The following VNN1 variants were observed in gnomAD, a reference collection of about 807,000 sequenced individuals.
VNN1 encodes vanin 1.
VNN1 carries 29 observed loss-of-function variants against 41.9 expected under a neutral mutation model. The ratio of observed to expected loss-of-function variants is 0.69; its 90% confidence interval spans 0.52 to 0.94. VNN1 has a LOEUF of 0.94. VNN1 is among the 40% of genes least tolerant of loss of function. The pLI is 0.00. For synonymous variants in VNN1, 233 were observed against 224.4 expected (o/e 1.04, Z -0.34); for missense variants, 637 against 621.1 (o/e 1.03, Z -0.27).
At chr6:132,701,937 T>C (rs1778454199) in intron 2 of VNN1, among the ~76,000 whole-genome samples, 1 of 152,206 alleles carries the variant, frequency 6.6e-6, no homozygotes, top group Admixed American at 6.5e-5. Context: ...ATTCAGCCAG[T>C]GCCCACAGAG....
At chr6:132,698,333 CAT>C (rs1381414799) in intron 2 of VNN1, among the ~76,000 whole-genome samples, 1 of 152,320 alleles carries the variant, frequency 6.6e-6, no homozygotes, top group East Asian at 1.9e-4. Flanking sequence ...AAAATCAGCA[CAT>C]GTTAAATATT....
At chr6:132,697,148 G>A (rs971016533) in intron 2 of VNN1, among the ~76,000 whole-genome samples, 2 of 151,968 alleles carry the variant, frequency 1.3e-5, no homozygotes, top group Admixed American at 1.3e-4. Context: ...AAGAAAGAAA[G>A]AAGGGAGGCA....
At chr6:132,684,287 G>T in intron 6 of VNN1, 48 bp downstream of exon 6, 2 of 1,554,580 alleles carry the variant, frequency 1.3e-6, no homozygotes, top group South Asian at 1.2e-5. Flanking sequence ...ATATCAAAAA[G>T]TGCTTCCTCT....
At chr6:132,696,173 A>G (rs1778368998) in intron 2 of VNN1, among the ~76,000 whole-genome samples, 1 of 152,204 alleles carries the variant, frequency 6.6e-6, no homozygotes, top group African/African-American at 2.4e-5. Context: ...CTGGAGCTGA[A>G]AATTACAATA....
Position 132,681,916 on chromosome 6 carries a change from G to A in VNN1, c.*1224C>T, listed in dbSNP as rs1778130134. ...AAGTGCCTTGCTCTCCTGTGCAGAA[G>A]GGCATGCTTTGCACAGTGCATGGCT... On this transcript the variant is annotated 3_prime_UTR_variant, in exon 7 of 7. Transcript: ENST00000367928. 1 of 152,584 alleles carries A rather than the reference G, an allele frequency of 6.6e-6. No individual in the cohort carries two copies. Among genetic ancestry groups the A allele is most frequent in the Non-Finnish European group, 1.5e-5 (1 of 68,040 alleles). 9.5% of individuals were successfully genotyped at this position (152,584 alleles called of 1,614,324 possible).
chr6:132,700,895 T>C (rs1228724759), intron 2 of VNN1, among the ~76,000 whole-genome samples: 1 of 152,218 alleles, frequency 6.6e-6, no homozygotes, highest in Non-Finnish European at 1.5e-5. Flanking sequence ...GAAGCCTTTC[T>C]CCATAGCCCT....
At chr6:132,694,821 C>A (rs1404943488) in intron 2 of VNN1, among the ~76,000 whole-genome samples, 3 of 151,886 alleles carry the variant, frequency 2.0e-5, no homozygotes, top group Non-Finnish European at 2.9e-5. Context: ...CCACTGCATT[C>A]CAACCTGGGC....
chr6:132,704,867 G>C (rs1444007828), intron 2 of VNN1, among the ~76,000 whole-genome samples: 2 of 151,764 alleles, frequency 1.3e-5, no homozygotes, highest in Non-Finnish European at 2.9e-5. Flanking sequence ...CAATACTGCA[G>C]AAATTCAAAA....
intron 5 of VNN1, among the ~76,000 whole-genome samples, chr6:132,689,648 G>A (rs1036855146): frequency 7.9e-5 from 12 of 152,076 alleles, no homozygotes; most frequent in African/African-American, 1.7e-4. Flanking sequence ...CCCAAATACC[G>A]AAGCTCCCAA....
chr6:132,683,037 A>T lies in VNN1; in HGVS notation c.*103T>A, dbSNP rs767012738. 1.1e-6 allele frequency: 1 copy of T among 949,426 alleles called. No homozygotes were observed. Among genetic ancestry groups the T allele is most frequent in the Non-Finnish European group, 1.5e-6 (1 of 666,566 alleles). 58.8% of individuals were successfully genotyped at this position (949,426 alleles called of 1,614,324 possible). On this transcript the variant is annotated 3_prime_UTR_variant, in exon 7 of 7. Transcript: ENST00000367928. ...TTTGTCTAAATAAAGAGAAACTAGT[A>T]ATTCACTTATACTAGAGGATAATAT...
intron 2 of VNN1, among the ~76,000 whole-genome samples, chr6:132,709,857 C>A (rs1276416170): frequency 1.3e-5 from 2 of 152,144 alleles, no homozygotes; most frequent in East Asian, 3.9e-4. Context: ...CAATTCAATT[C>A]ATAGTGGAAG....
In VNN1 at chr6:132,693,990, C is replaced by T. The variant is rs1582771111; in HGVS notation, c.534G>A (p.Lys178=). Residue 178 remains lysine (K), a splice_region_variant and synonymous_variant, in exon 3 of 7, where the codon AAG becomes AAA. Transcript: ENST00000367928. ...SQGKLVARYH[K]QNLFMGENQF... is the part of the protein sequence containing the mutation. The stretch of plus-strand genomic sequence containing the variant: ...TGGATTATTTGCAAATTAATTTTAC[C>T]TTATGGTAGCGTGCCACCAGTTTTC... 1 of 1,613,708 alleles carries T rather than the reference C, an allele frequency of 6.2e-7. No individual in the cohort carries two copies. The highest frequency in any genetic ancestry group is 8.5e-7 in the Non-Finnish European group (1 of 1,179,876).
At chr6:132,687,455 A>G (rs1483398274) in intron 5 of VNN1, among the ~76,000 whole-genome samples, 1 of 152,222 alleles carries the variant, frequency 6.6e-6, no homozygotes, top group Non-Finnish European at 1.5e-5. Context: ...GGAAGTGGTA[A>G]AGAAAAATCT....
chr6:132,687,817 G>C (rs1042474503), intron 5 of VNN1, among the ~76,000 whole-genome samples: 1 of 150,812 alleles, frequency 6.6e-6, no homozygotes, highest in African/African-American at 2.5e-5. Flanking sequence ...TTAACAAAAA[G>C]TCAAAGAAAA....
intron 2 of VNN1, among the ~76,000 whole-genome samples, chr6:132,698,060 C>T (rs2223612): frequency 0.048 from 7,317 of 152,208 alleles, 384 homozygotes; most frequent in South Asian, 0.14. Flanking sequence ...GGCTGTTTGG[C>T]GTATACATAA....
In VNN1 at chr6:132,693,236, C is replaced by A. The variant is rs775821730; in HGVS notation, c.614G>T (p.Ser205Ile). 1.9e-6 allele frequency: 3 copies of A among 1,614,096 alleles called. No individual in the cohort carries two copies. Among genetic ancestry groups the A allele is most frequent in the African/African-American group, 1.3e-5 (1 of 75,048 alleles). The change falls in exon 4 of 7, where the codon AGT (serine) becomes ATT (isoleucine). Residue 205 changes from serine (S) to isoleucine (I), a missense_variant. Coordinates refer to ENST00000367928, the MANE Select transcript of VNN1 (RefSeq NM_004666.3). ...ATCAAAGCATGTGAAAATGCCAAAA[C>A]TTCCAAAGGTGGTATTGAAAGTCAC... ...EIVTFNTTFG[S>I]FGIFTCFDIL...
chr6:132,692,019 A>G (rs975631889), intron 5 of VNN1, among the ~76,000 whole-genome samples: 9 of 151,688 alleles, frequency 5.9e-5, no homozygotes, highest in African/African-American at 2.2e-4. Context: ...AAAAAAAAAA[A>G]GATTTAGCAA....
chr6:132,689,784 T>A (rs1170863475), intron 5 of VNN1, among the ~76,000 whole-genome samples: 4 of 152,156 alleles, frequency 2.6e-5, no homozygotes, highest in Non-Finnish European at 4.4e-5. Context: ...AATTCTAGTA[T>A]CTCCCTTAAG....
intron 2 of VNN1, among the ~76,000 whole-genome samples, chr6:132,706,937 T>C (rs1778526869): frequency 6.9e-6 from 1 of 145,104 alleles, no homozygotes; most frequent in Non-Finnish European, 1.5e-5. Context: ...ATCAGAAAAC[T>C]GCAAATCAAC....
Sources: allele counts gnomAD v4.1 joint callset (sites outside exome capture counted in the v4.1 genomes callset), GRCh38; gene constraint gnomAD v4.1.1; transcripts MANE v1.5; gene names NCBI Gene and HGNC (gene_info 2026-07-23, HGNC 2026-07-21).